GRID1: variants seen among roughly 807,000 people sequenced by gnomAD.
The protein encoded by GRID1 is glutamate receptor ionotropic, delta-1.
GRID1 carries 28 observed loss-of-function variants against 98.0 expected under a neutral mutation model. The observed-to-expected ratio is 0.29, with a 90% confidence interval of 0.21 to 0.39. The LOEUF (loss-of-function observed/expected upper bound fraction) is 0.39, where lower values mean the gene tolerates loss of function less well. Ranked by LOEUF, GRID1 falls within the 10% of genes least tolerant of loss-of-function variation. The pLI, the probability that GRID1 is intolerant of heterozygous loss-of-function variation, is 1.00. For synonymous variants in GRID1, 553 were observed against 538.5 expected (o/e 1.03, Z -0.37); for missense variants, 1,111 against 1,340.5 (o/e 0.83, Z 2.67).
At chr10:86,337,698 C>CTTTTTTTTTT (rs57891044) in intron 2 of GRID1, among the ~76,000 whole-genome samples, 1 of 73,282 alleles carries the variant, frequency 1.4e-5, no homozygotes, top group African/African-American at 5.8e-5. Flanking sequence ...CCTTTGGGAA[C>CTTTTTTTTTT]TTTTTTTTTT....
intron 2 of GRID1, among the ~76,000 whole-genome samples, chr10:86,287,765 C>T (rs1044221091): frequency 1.3e-5 from 2 of 151,804 alleles, no homozygotes; most frequent in African/African-American, 2.4e-5. Context: ...AATGGTTTCT[C>T]GGTGGTCAGC....
chr10:85,876,926 G>A (rs976220972), intron 5 of GRID1, among the ~76,000 whole-genome samples: 3 of 152,210 alleles, frequency 2.0e-5, no homozygotes, highest in Admixed American at 6.5e-5. Flanking sequence ...TTTCCAATGG[G>A]CTTAAAAAAT....
chr10:85,934,786 T>C (rs963627263), intron 4 of GRID1, among the ~76,000 whole-genome samples: 1 of 152,268 alleles, frequency 6.6e-6, no homozygotes, highest in African/African-American at 2.4e-5. Flanking sequence ...AGGCGTGGCC[T>C]GAGTGCCAGG....
At chr10:85,859,072 A>G (rs959266287) in intron 6 of GRID1, among the ~76,000 whole-genome samples, 1 of 152,236 alleles carries the variant, frequency 6.6e-6, no homozygotes, top group Non-Finnish European at 1.5e-5. Flanking sequence ...TTTTCCAGGC[A>G]TAGATAGGCA....
At chr10:85,776,638 C>T (rs989099899) in intron 8 of GRID1, among the ~76,000 whole-genome samples, 1 of 152,164 alleles carries the variant, frequency 6.6e-6, no homozygotes, top group Non-Finnish European at 1.5e-5. Flanking sequence ...CTCTACCAAG[C>T]GCAGCGACCG....
intron 2 of GRID1, among the ~76,000 whole-genome samples, chr10:86,283,815 C>T (rs1466807629): frequency 6.7e-6 from 1 of 150,328 alleles, no homozygotes; most frequent in Non-Finnish European, 1.5e-5. Flanking sequence ...CCTGTATATA[C>T]ACATCTGCCC....
chr10:85,608,651 C>T (rs1372122806), intron 15 of GRID1, among the ~76,000 whole-genome samples: 1 of 152,128 alleles, frequency 6.6e-6, no homozygotes, highest in East Asian at 1.9e-4. Context: ...ACATTGATGG[C>T]AATGCAGAGG....
At chr10:85,845,680 A>G (rs994531582) in intron 8 of GRID1, among the ~76,000 whole-genome samples, 1 of 152,210 alleles carries the variant, frequency 6.6e-6, no homozygotes, top group Non-Finnish European at 1.5e-5. Flanking sequence ...TGTGCTTCGC[A>G]TGCCCCTCTG....
intron 2 of GRID1, among the ~76,000 whole-genome samples, chr10:86,315,614 A>T (rs542379560): frequency 6.6e-6 from 1 of 152,146 alleles, no homozygotes; most frequent in East Asian, 1.9e-4. Flanking sequence ...CCTTCCAGCC[A>T]CATTAACCCA....
intron 4 of GRID1, among the ~76,000 whole-genome samples, chr10:86,085,609 C>T: frequency 6.6e-6 from 1 of 152,138 alleles, no homozygotes; most frequent in East Asian, 1.9e-4. Flanking sequence ...GTTGAGTCTT[C>T]TCACAGAATG....
At chr10:85,610,075 C>G (rs557228274) in intron 15 of GRID1, among the ~76,000 whole-genome samples, 1 of 152,352 alleles carries the variant, frequency 6.6e-6, no homozygotes, top group African/African-American at 2.4e-5. Context: ...TTGGGCTCCA[C>G]CCAAAGACAG....
At chr10:85,948,145 G>A (rs189363089) in intron 4 of GRID1, among the ~76,000 whole-genome samples, 8 of 152,306 alleles carry the variant, frequency 5.3e-5, no homozygotes, top group Admixed American at 2.0e-4. Context: ...CAGTGTCTTC[G>A]TTTTGACAAA....
chr10:86,124,168 C>A (rs1362736274), intron 4 of GRID1, among the ~76,000 whole-genome samples: 1 of 152,214 alleles, frequency 6.6e-6, no homozygotes, highest in Non-Finnish European at 1.5e-5. Context: ...GCAGAGACAA[C>A]ACCTTAACCC....
At chr10:85,983,423 G>A (rs1028534860) in intron 4 of GRID1, among the ~76,000 whole-genome samples, 5 of 152,166 alleles carry the variant, frequency 3.3e-5, no homozygotes, top group African/African-American at 9.7e-5. Flanking sequence ...GGCTCCACCC[G>A]GCCCTGTGGT....
Position 85,774,782 on chromosome 10 carries a change from T to C in GRID1, c.1234-45168A>G, listed in dbSNP as rs1313415328. 2.7e-5 allele frequency among the ~76,000 whole-genome samples: 4 copies of C among 149,730 alleles called. No homozygotes were observed. In the East Asian group the frequency reaches 7.9e-4, roughly 30 times the overall value. ...AAATCAAAACCACAATGAGATACCA[T>C]CTCACACCAGTTAGAATGGCAATCA... On this transcript the variant is annotated intron_variant, in intron 8 of 15. Transcript: ENST00000327946.
At chr10:86,237,695 G>A in intron 2 of GRID1, among the ~76,000 whole-genome samples, 1 of 141,564 alleles carries the variant, frequency 7.1e-6, no homozygotes, top group African/African-American at 2.7e-5. Context: ...GCGAGACTCT[G>A]TCTCAAAAAA....
intron 8 of GRID1, among the ~76,000 whole-genome samples, chr10:85,777,462 T>G (rs1880389): frequency 0.65 from 98,956 of 152,054 alleles, 32,503 homozygotes; most frequent in East Asian, 0.87. Context: ...GGCTTATGAT[T>G]TAAGTAGAAT....
At chr10:86,063,668 T>C (rs1056776192) in intron 4 of GRID1, among the ~76,000 whole-genome samples, 10 of 152,206 alleles carry the variant, frequency 6.6e-5, no homozygotes, top group African/African-American at 2.2e-4. Flanking sequence ...TGAATATATA[T>C]TGATATGGAA....
chr10:85,940,085 A>G (rs910803811), intron 4 of GRID1, among the ~76,000 whole-genome samples: 31 of 147,170 alleles, frequency 2.1e-4, no homozygotes, highest in Admixed American at 4.7e-4. Context: ...AAAAAAAAAA[A>G]AAAGAGAGAG....
Sources: allele counts gnomAD v4.1 joint callset (sites outside exome capture counted in the v4.1 genomes callset), GRCh38; gene constraint gnomAD v4.1.1; transcripts MANE v1.5; gene names NCBI Gene and HGNC (gene_info 2026-07-23, HGNC 2026-07-21).